TPD52L2: variants seen among roughly 807,000 people sequenced by gnomAD.
The protein encoded by TPD52L2 is tumor protein D54.
TPD52L2 carries 19 observed loss-of-function variants against 24.7 expected under a neutral mutation model. The ratio of observed to expected loss-of-function variants is 0.77; its 90% confidence interval spans 0.54 to 1.13. The LOEUF is 1.13. TPD52L2 is among the 50% of genes most tolerant of loss of function. TPD52L2 has a pLI of 0.00. For synonymous variants in TPD52L2, 104 were observed against 100.2 expected (o/e 1.04, Z -0.23); for missense variants, 236 against 250.4 (o/e 0.94, Z 0.39).
At chr20:63,888,033 C>G (rs995792823) in intron 5 of TPD52L2, 2 of 209,628 alleles carry the variant, frequency 9.5e-6, no homozygotes, top group Non-Finnish European at 1.9e-5. Context: ...CACCCTGATT[C>G]TCAGGATTCT....
chr20:63,886,121 C>A, intron 5 of TPD52L2: 2 of 1,450,678 alleles, frequency 1.4e-6, no homozygotes, highest in Non-Finnish European at 1.9e-6. Flanking sequence ...GGCCCTTGGG[C>A]GGCTGTGCTA....
intron 5 of TPD52L2, chr20:63,888,844 C>A: frequency 2.9e-6 from 1 of 347,554 alleles, no homozygotes; most frequent in Non-Finnish European, 5.5e-6. Flanking sequence ...GGGCCGACAG[C>A]CCCCCAACTG....
rs1425907714 is a variant in TPD52L2 at position 63,873,688 on chromosome 20, T to C, written c.186T>C (p.Thr62=). ...TGCAGGTGGAAGAGGAAATTGTCAC[T>C]CTGCGCCAGGTCCTGGCAGCCAAGG... ...ELTKVEEEIV[T]LRQVLAAKER... The change falls in exon 3 of 7, where the codon ACT becomes ACC. Residue 62 remains threonine, a synonymous_variant. Coordinates refer to ENST00000346249, the MANE Select transcript of TPD52L2 (RefSeq NM_003288.4). The C allele has an allele frequency of 6.2e-7, 1 of 1,610,316 alleles. No homozygotes were observed. Among genetic ancestry groups the C allele is most frequent in the Admixed American group, 1.7e-5 (1 of 58,930 alleles).
In TPD52L2 at chr20:63,865,365, C is replaced by G; in HGVS notation, c.-1C>G. On this transcript the variant is annotated 5_prime_UTR_variant, in exon 1 of 7. Coordinates refer to ENST00000346249, the MANE Select transcript of TPD52L2 (RefSeq NM_003288.4). ...GACAGCGGTCCGGACGCCGCCCGAA[C>G]ATGGACTCCGCCGGCCAAGGTACCT... 1.3e-6 allele frequency: 2 copies of G among 1,529,956 alleles called. No individual in the cohort carries two copies. The highest frequency in any genetic ancestry group is 1.7e-6 in the Non-Finnish European group (2 of 1,143,992). The allele number at this position is 1,529,956 out of a possible 1,614,324, so 94.8% of individuals were successfully genotyped here.
intron 4 of TPD52L2, among the ~76,000 whole-genome samples, chr20:63,879,537 G>A (rs948049190): frequency 2.6e-5 from 4 of 152,180 alleles, no homozygotes; most frequent in Non-Finnish European, 5.9e-5. Flanking sequence ...GGGCACAGGC[G>A]GTTGTTTTCT....
rs531700121 is a variant in TPD52L2 at position 63,889,620 on chromosome 20, G to C, written c.526-230G>C. On this transcript the variant is annotated intron_variant, in intron 6 of 6. Transcript: ENST00000346249. ...AATTGTGTCATTTCAAGAATGTCAC[G>C]TAAATGGAACGATACAGTGTGCAGC... Among the ~76,000 whole-genome samples, 4 of 152,320 alleles carry C rather than the reference G, an allele frequency of 2.6e-5. No homozygotes were observed. The East Asian group carries it at 7.7e-4, about 29-fold the overall frequency.
chr20:63,870,172 T>A (rs1469705810), intron 2 of TPD52L2, among the ~76,000 whole-genome samples: 1 of 152,234 alleles, frequency 6.6e-6, no homozygotes, highest in Non-Finnish European at 1.5e-5. Flanking sequence ...TTATGTGATC[T>A]TCTTTAAGTG....
intron 5 of TPD52L2, among the ~76,000 whole-genome samples, chr20:63,886,572 A>G: frequency 6.6e-6 from 1 of 151,682 alleles, no homozygotes; most frequent in Non-Finnish European, 1.5e-5. Flanking sequence ...CGTGGTCTCG[A>G]TCTCCCGACC....
chr20:63,869,533 G>A lies in TPD52L2; in HGVS notation c.165+92G>A. Reference sequence around the variant, plus strand: ...CCAGGGTACTGGCCACGCTCGGGAGGAATTGCCCTGGGTGGTCACCTACCC... The same window carrying A: ...CCAGGGTACTGGCCACGCTCGGGAGAAATTGCCCTGGGTGGTCACCTACCC... On this transcript the variant is annotated intron_variant, in intron 2 of 6. Coordinates refer to ENST00000346249, the MANE Select transcript of TPD52L2 (RefSeq NM_003288.4). 11 of 1,534,522 alleles carry A rather than the reference G, an allele frequency of 7.2e-6. No homozygotes were observed. The South Asian group carries it at 1.1e-4, about 16-fold the overall frequency.
rs1393536075 is a variant in TPD52L2, at chr20:63,882,838, C to T, written c.476+18C>T. 6.3e-7 allele frequency: 1 copy of T among 1,589,900 alleles called. No individual in the cohort carries two copies. Among genetic ancestry groups the T allele is most frequent in the Non-Finnish European group, 8.6e-7 (1 of 1,164,422 alleles). ...GACATGAGGTGAGACGCAACCCTGA[C>T]TCTGCTGCCCTGAGACCTGGCCAGG... On this transcript the variant is annotated intron_variant, in intron 5 of 6. Transcript: ENST00000346249.
In TPD52L2 at chr20:63,869,570, C is replaced by G. The variant is rs1233897071; in HGVS notation, c.165+129C>G. ...GTGGTCACCTACCCTGCTCTGTGTT[C>G]CGACTGATAACGGGGTTCTCTTTGT... On this transcript the variant is annotated intron_variant, in intron 2 of 6. Transcript: ENST00000346249. 1.0e-5 allele frequency: 12 copies of G among 1,165,608 alleles called. No individual in the cohort carries two copies. The Admixed American group carries it at 2.6e-4, about 25-fold the overall frequency. The allele number at this position is 1,165,608 out of a possible 1,614,324, so 72.2% of individuals were successfully genotyped here. A position where few individuals can be genotyped will look rare whatever the true frequency, so the allele number is the denominator to read the frequency against.
intron 5 of TPD52L2, chr20:63,887,809 C>A (rs1179781993): frequency 1.6e-6 from 1 of 607,612 alleles, no homozygotes; most frequent in African/African-American, 1.9e-5. Flanking sequence ...AGGCTCTTCA[C>A]CTGCAGCCTC....
chr20:63,876,621 C>T (rs2052687539), intron 4 of TPD52L2: 1 of 378,360 alleles, frequency 2.6e-6, no homozygotes, highest in South Asian at 1.9e-5. Context: ...GAAGGAAGCG[C>T]TGTAATCGTT....
chr20:63,879,395 CCTT>C (rs1220102594), intron 4 of TPD52L2, among the ~76,000 whole-genome samples: 4 of 152,034 alleles, frequency 2.6e-5, no homozygotes, highest in Non-Finnish European at 5.9e-5. Context: ...GGACCCTCCT[CCTT>C]GTGTGGGTGG....
chr20:63,869,914 C>T (rs1204573645), intron 2 of TPD52L2, among the ~76,000 whole-genome samples: 1 of 152,202 alleles, frequency 6.6e-6, no homozygotes, highest in Admixed American at 6.5e-5. Flanking sequence ...GGGAAGATCA[C>T]TTGAGCCCAG....
chr20:63,876,732 G>A (rs978190105), intron 4 of TPD52L2: 8 of 455,960 alleles, frequency 1.8e-5, no homozygotes, highest in Admixed American at 4.7e-5. Context: ...CTGGCACTGC[G>A]TGCACATGGA....
intron 4 of TPD52L2, chr20:63,876,839 G>A (rs1258432761): frequency 6.6e-6 from 3 of 455,154 alleles, no homozygotes; most frequent in Non-Finnish European, 1.3e-5. Flanking sequence ...CGGGTGGTTC[G>A]TGGGCATGGC....
chr20:63,884,419 C>A (rs2053020202), intron 5 of TPD52L2, among the ~76,000 whole-genome samples: 1 of 152,208 alleles, frequency 6.6e-6, no homozygotes. Context: ...CTCTTAGTGT[C>A]CACACTCCCT....
At chr20:63,870,520 G>GTTTTTTTTTTTTTTTTTTTTTTTT (rs959786861) in intron 2 of TPD52L2, among the ~76,000 whole-genome samples, 2 of 94,524 alleles carry the variant, frequency 2.1e-5, no homozygotes, top group Non-Finnish European at 3.9e-5. Flanking sequence ...ATAAGGTGAA[G>GTTTTTTTTTTTTTTTTTTTTTTTT]TTTTTTTTTT....
Sources: gnomAD v4.1 joint callset for allele counts (sites outside exome capture counted in the v4.1 genomes callset) on GRCh38, gnomAD v4.1.1 for gene constraint, MANE v1.5 for transcripts, NCBI Gene and HGNC (gene_info 2026-07-23, HGNC 2026-07-21) for gene names.